RIN3: variants seen among roughly 807,000 people sequenced by gnomAD.
RIN3 encodes RAB5 interacting protein 3.
In RIN3, 54 loss-of-function variants were observed where a neutral mutation model predicts 76.3. The observed-to-expected ratio is 0.71, with a 90% CI of 0.57 to 0.89. The LOEUF is 0.89. Ranked by LOEUF, RIN3 falls within the 40% of genes least tolerant of loss-of-function variation. RIN3 has a pLI of 0.00. For synonymous variants in RIN3, 576 were observed against 564.0 expected (o/e 1.02, Z -0.30); for missense variants, 1,256 against 1,322.1 (o/e 0.95, Z 0.78).
At chr14:92,564,840 A>G (rs1897874508) in intron 2 of RIN3, among the ~76,000 whole-genome samples, 1 of 152,212 alleles carries the variant, frequency 6.6e-6, no homozygotes, top group Admixed American at 6.5e-5. Context: ...GCGCGCAGGA[A>G]CAGCTGACTC....
chr14:92,612,902 A>C (rs564620952), intron 3 of RIN3, among the ~76,000 whole-genome samples: 2 of 152,358 alleles, frequency 1.3e-5, no homozygotes, highest in East Asian at 3.9e-4. Context: ...CAGCAAGGGG[A>C]CTAGATACCA....
chr14:92,559,711 G>A (rs2140039349), intron 2 of RIN3, among the ~76,000 whole-genome samples: 1 of 152,324 alleles, frequency 6.6e-6, no homozygotes, highest in Middle Eastern at 3.4e-3. Flanking sequence ...GGGCCATGAA[G>A]AATGGATGGG....
chr14:92,677,150 G>T (rs574823917), intron 8 of RIN3, among the ~76,000 whole-genome samples: 27 of 152,316 alleles, frequency 1.8e-4, no homozygotes, highest in Middle Eastern at 6.8e-3. Context: ...ACCTCCATCA[G>T]TGGGAAGTTA....
intron 9 of RIN3, 120 bp from the exon 10 acceptor site, chr14:92,687,806 G>C (rs1888920366): frequency 1.1e-6 from 1 of 876,832 alleles, no homozygotes; most frequent in African/African-American, 1.8e-5. Context: ...GCAGGTGCCG[G>C]ACTCGCAGAC....
chr14:92,688,157 G>A lies in RIN3; in HGVS notation c.2863G>A (p.Asp955Asn). The change falls in exon 10 of 10, where the codon GAC (aspartate) becomes AAC (asparagine). Residue 955 changes from aspartate (D) to asparagine (N), a missense_variant. By Grantham distance (23) the Asp-to-Asn change is conservative (BLOSUM62 1). This residue lies in a region of RIN3 where 218 missense variants were observed against 174.5 expected (regional missense o/e 1.25). Transcript: ENST00000216487. ...GYLLRSEPKR[D>N]FHFVYRPLDG... Reference sequence around the variant, plus strand: ...CCTGCTGCGCAGCGAGCCCAAGCGCGACTTCCACTTTGTCTACCGGCCCCT... The same window carrying A: ...CCTGCTGCGCAGCGAGCCCAAGCGCAACTTCCACTTTGTCTACCGGCCCCT... 6.2e-7 allele frequency: 1 copy of A among 1,610,084 alleles called. No homozygotes were observed. The highest frequency in any genetic ancestry group is 8.5e-7 in the Non-Finnish European group (1 of 1,178,848).
intron 1 of RIN3, among the ~76,000 whole-genome samples, chr14:92,546,687 G>C (rs61975763): frequency 0.1 from 15,356 of 151,180 alleles, 1,043 homozygotes; most frequent in Admixed American, 0.19. Flanking sequence ...GATAGTGGGC[G>C]TAACTGTTTT....
intron 3 of RIN3, among the ~76,000 whole-genome samples, chr14:92,603,643 G>T (rs910598040): frequency 2.0e-5 from 3 of 152,208 alleles, no homozygotes; most frequent in Non-Finnish European, 4.4e-5. Flanking sequence ...CCGTGTTGCG[G>T]TCCTTACATG....
intron 4 of RIN3, among the ~76,000 whole-genome samples, chr14:92,632,498 T>A (rs1886623677): frequency 6.6e-6 from 1 of 152,118 alleles, no homozygotes; most frequent in African/African-American, 2.4e-5. Context: ...TGGCATGAAG[T>A]AAGGGCTCAA....
At chr14:92,524,428 T>C (rs1170715924) in intron 1 of RIN3, among the ~76,000 whole-genome samples, 2 of 152,206 alleles carry the variant, frequency 1.3e-5, no homozygotes, top group Non-Finnish European at 2.9e-5. Flanking sequence ...GGGAAAGGTT[T>C]GTCCTGAAAC....
chr14:92,572,397 C>T (rs1275156202), intron 2 of RIN3, among the ~76,000 whole-genome samples: 1 of 152,226 alleles, frequency 6.6e-6, no homozygotes, highest in Admixed American at 6.5e-5. Context: ...CCCACGGGCA[C>T]AGTTTGTGAG....
At chr14:92,586,106 G>C (rs1158170139) in intron 3 of RIN3, among the ~76,000 whole-genome samples, 1 of 152,194 alleles carries the variant, frequency 6.6e-6, no homozygotes, top group Non-Finnish European at 1.5e-5. Flanking sequence ...ACAGCTACTG[G>C]GAGGAATGAT....
chr14:92,585,889 G>A (rs926936747), intron 3 of RIN3, among the ~76,000 whole-genome samples: 18 of 152,198 alleles, frequency 1.2e-4, no homozygotes, highest in African/African-American at 4.1e-4. Flanking sequence ...TGTCGAGAAG[G>A]CAGCCTCTTG....
intron 6 of RIN3, among the ~76,000 whole-genome samples, chr14:92,654,545 G>T (rs1040404120): frequency 6.6e-6 from 1 of 152,190 alleles, no homozygotes; most frequent in Admixed American, 6.5e-5. Flanking sequence ...GCTTCGTAGC[G>T]AATGTTTCTT....
Position 92,652,450 on chromosome 14 carries a change from T to TCGA in RIN3, c.1403_1405dup (p.Arg468dup), listed in dbSNP as rs1226789385. ...CGCCCCCCAGGAAAAAACGGATCTC[T>TCGA]CGACAACTGGCCTCGACCCTCCCAG... On this transcript the variant is annotated inframe_insertion, in exon 6 of 10. Transcript: ENST00000216487. This position sits in a 1 kb window ranked among gnomAD's most constrained non-coding sequence, Gnocchi z 6.4. 6.2e-7 allele frequency: 1 copy of TCGA among 1,613,294 alleles called. No homozygotes were observed. Among genetic ancestry groups the TCGA allele is most frequent in the East Asian group, 2.2e-5 (1 of 44,820 alleles).
Position 92,615,470 on chromosome 14 carries a change from G to A in RIN3, c.431G>A (p.Cys144Tyr), listed in dbSNP as rs1434205791. 2 of 1,613,850 alleles carry A rather than the reference G, an allele frequency of 1.2e-6. No homozygotes were observed. Among genetic ancestry groups the A allele is most frequent in the Non-Finnish European group, 1.7e-6 (2 of 1,179,734 alleles). The change falls in exon 4 of 10, where the codon TGT becomes TAT. Residue 144 changes from cysteine to tyrosine, a missense_variant. Cys to Tyr is a radical substitution (Grantham distance 194). Transcript: ENST00000216487. ...EDIFRLIAFY[C>Y]VSRDLLPFTL... ...ATCTTCAGATTGATTGCGTTCTACTGTGTCAGTAGGTGAGTAGACCCGGCC... is the reference window on the plus strand; with the variant it reads ...ATCTTCAGATTGATTGCGTTCTACTATGTCAGTAGGTGAGTAGACCCGGCC...
chr14:92,595,164 T>C (rs78013604), intron 3 of RIN3, among the ~76,000 whole-genome samples: 13 of 151,998 alleles, frequency 8.6e-5, no homozygotes, highest in Admixed American at 3.3e-4. Context: ...GGAGGCAGAG[T>C]TGTCAATTGC....
Position 92,688,596 on chromosome 14 carries a change from C to A in RIN3, c.*344C>A. The A allele has an allele frequency of 3.0e-6, 1 of 328,956 alleles. No individual in the cohort carries two copies. The highest frequency in any genetic ancestry group is 5.6e-6 in the Non-Finnish European group (1 of 178,556). The allele number at this position is 328,956 out of a possible 1,614,324, so 20.4% of individuals were successfully genotyped here. ...GCCATTCCCCATGAGTCCCCCACAC[C>A]CACCCCATCCTCGGTCTTTGCAAAG... On this transcript the variant is annotated 3_prime_UTR_variant, in exon 10 of 10. Coordinates refer to ENST00000216487, the MANE Select transcript of RIN3 (RefSeq NM_024832.5).
At chr14:92,611,323 A>G (rs1486140862) in intron 3 of RIN3, among the ~76,000 whole-genome samples, 4 of 151,762 alleles carry the variant, frequency 2.6e-5, no homozygotes, top group Non-Finnish European at 4.4e-5. Context: ...GTCTCGCTCT[A>G]TCCCCCAGGC....
In RIN3 at chr14:92,685,136, C is replaced by G. The variant is rs1382276742; in HGVS notation, c.2617C>G (p.Arg873Gly). The G allele has an allele frequency of 2.5e-6, 4 of 1,611,400 alleles. No homozygotes were observed. The African/African-American group carries it at 4.0e-5, about 16-fold the overall frequency. ...TACTCTCAACAAGGCCCGGGCCTCC[C>G]GCTCCTCCGTACAGGTGAGGCCTGA... is the stretch of plus-strand genomic sequence containing the variant. ...RRTLNKARAS[R>G]SSVQDFICVS... is the part of the protein sequence containing the mutation. Residue 873 changes from arginine (R) to glycine (G), a missense_variant, in exon 9 of 10, where the codon CGC (arginine) becomes GGC (glycine). By Grantham distance (125) the Arg-to-Gly change is moderately radical. Around this residue, in one of 3 missense-constraint regions of RIN3, gnomAD observed 218 missense variants for 174.5 expected, o/e 1.25. Coordinates refer to ENST00000216487, the MANE Select transcript of RIN3 (RefSeq NM_024832.5). This position sits in a 1 kb window ranked among gnomAD's most constrained non-coding sequence, Gnocchi z 4.7.
Sources: allele counts gnomAD v4.1 joint callset (sites outside exome capture counted in the v4.1 genomes callset), GRCh38; gene constraint gnomAD v4.1.1; regional missense constraint gnomAD v4.1.1; non-coding constraint Gnocchi (gnomAD v3.1); transcripts MANE v1.5; gene names NCBI Gene and HGNC (gene_info 2026-07-23, HGNC 2026-07-21).